The following FAM227B variants were observed in gnomAD, a reference collection of about 807,000 sequenced individuals.
FAM227B encodes the protein family with sequence similarity 227 member B, also known as protein FAM227B.
In FAM227B, 88 loss-of-function variants were observed where a neutral mutation model predicts 73.8. The observed-to-expected ratio is 1.19, with a 90% CI of 1.00 to 1.42. The LOEUF (loss-of-function observed/expected upper bound fraction) is 1.42, where lower values mean the gene tolerates loss of function less well. Among genes scored for constraint, FAM227B ranks in the 40% most tolerant of loss-of-function variants. FAM227B has a pLI of 0.00. For synonymous variants in FAM227B, 210 were observed against 190.5 expected (o/e 1.10, Z -0.84); for missense variants, 632 against 590.9 (o/e 1.07, Z -0.72).
At chr15:49,551,627 ATT>A (rs2073035006) in intron 9 of FAM227B, among the ~76,000 whole-genome samples, 1 of 152,016 alleles carries the variant, frequency 6.6e-6, no homozygotes, top group Non-Finnish European at 1.5e-5. Context: ...TACTTCTGTG[ATT>A]TTGTTATTTG....
chr15:49,508,421 T>G (rs34764073), intron 10 of FAM227B, 73 bp from the exon 11 acceptor site: 74,676 of 1,322,406 alleles, frequency 0.056, 3,015 homozygotes, highest in East Asian at 0.22. Context: ...GTCAAAGCAT[T>G]TTTATGATAA....
In FAM227B at chr15:49,541,684, A is replaced by T; in HGVS notation, c.870T>A (p.Cys290Ter). The T allele has an allele frequency of 6.6e-7, 1 of 1,504,660 alleles. No individual in the cohort carries two copies. Among genetic ancestry groups the T allele is most frequent in the Middle Eastern group, 1.8e-4 (1 of 5,622 alleles). 93.2% of individuals were successfully genotyped at this position (1,504,660 alleles called of 1,614,324 possible). Residue 290 changes from cysteine (C) to a stop codon, truncating the protein, a stop_gained, in exon 10 of 16, where the codon TGT (cysteine) becomes TGA (stop). Transcript: ENST00000299338. LOFTEE classifies it high-confidence loss of function. ...ATTTAAATGATATATTCATACCTGA[A>T]CACCAAAGAAAAATGTTATTCCCTA... ...EDLGNNIFLWCSGLKPQKGFW... is the reference protein window; with the variant it reads ...EDLGNNIFLW
intron 3 of FAM227B, among the ~76,000 whole-genome samples, chr15:49,598,067 C>T (rs893038657): frequency 1.3e-5 from 2 of 151,736 alleles, no homozygotes; most frequent in African/African-American, 2.4e-5. Context: ...GGTACCAATT[C>T]TACTGAAACT....
chr15:49,410,513 G>A (rs947378741), intron 11 of FAM227B, among the ~76,000 whole-genome samples: 19 of 151,968 alleles, frequency 1.3e-4, no homozygotes, highest in Non-Finnish European at 2.2e-4. Flanking sequence ...CAGCACATAA[G>A]TTGTGTCATT....
intron 10 of FAM227B, among the ~76,000 whole-genome samples, chr15:49,521,294 T>TGGGCTGCCCCAAGGAAAAGGGGCA (rs1431343110): frequency 2.0e-5 from 3 of 152,136 alleles, no homozygotes; most frequent in African/African-American, 7.2e-5. Context: ...GCCCTTAGCA[T>TGGGCTGCCCCAAGGAAAAGGGGCA]GGGCTGCCCC....
At chr15:49,384,917 A>C (rs752032026) in intron 11 of FAM227B, among the ~76,000 whole-genome samples, 1 of 152,018 alleles carries the variant, frequency 6.6e-6, no homozygotes, top group Non-Finnish European at 1.5e-5. Context: ...GATTCAATAC[A>C]TACTATTCTG....
intron 11 of FAM227B, among the ~76,000 whole-genome samples, chr15:49,436,754 C>T (rs2051143047): frequency 6.6e-6 from 1 of 151,474 alleles, no homozygotes; most frequent in Non-Finnish European, 1.5e-5. Flanking sequence ...GGTTTAACTC[C>T]AAAGCACAGC....
intron 11 of FAM227B, among the ~76,000 whole-genome samples, chr15:49,390,720 T>C (rs1359961966): frequency 6.6e-6 from 1 of 152,142 alleles, no homozygotes; most frequent in Non-Finnish European, 1.5e-5. Context: ...CATGTTTATG[T>C]ACAGCTATGT....
chr15:49,608,051 A>G (rs932458030), intron 3 of FAM227B, among the ~76,000 whole-genome samples: 10 of 152,216 alleles, frequency 6.6e-5, no homozygotes, highest in African/African-American at 2.2e-4. Flanking sequence ...ATACTGCCCG[A>G]AAGAAAATCA....
chr15:49,432,622 C>A (rs1035689116), intron 11 of FAM227B, among the ~76,000 whole-genome samples: 13 of 151,508 alleles, frequency 8.6e-5, no homozygotes, highest in African/African-American at 3.1e-4. Context: ...AACGAAGTTG[C>A]CACTAAATTG....
chr15:49,508,439 T>C (rs1248970687), intron 10 of FAM227B, 91 bp from the exon 11 acceptor site: 1 of 1,184,294 alleles, frequency 8.4e-7, no homozygotes, highest in Non-Finnish European at 1.2e-6. Context: ...TAATTATACA[T>C]TTCATCCTCA....
chr15:49,350,692 G>T (rs2042110058), intron 13 of FAM227B, among the ~76,000 whole-genome samples: 1 of 152,120 alleles, frequency 6.6e-6, no homozygotes, highest in South Asian at 2.1e-4. Flanking sequence ...TTTTGACCTT[G>T]GTGGGTCTTC....
At chr15:49,500,686 G>A (rs565287446) in intron 11 of FAM227B, among the ~76,000 whole-genome samples, 23 of 152,270 alleles carry the variant, frequency 1.5e-4, no homozygotes, top group Non-Finnish European at 2.4e-4. Flanking sequence ...TTCTTAAAAT[G>A]TTATACATAC....
intron 11 of FAM227B, among the ~76,000 whole-genome samples, chr15:49,418,386 CAAT>C (rs2151719667): frequency 6.6e-6 from 1 of 152,190 alleles, no homozygotes; most frequent in East Asian, 1.9e-4. Flanking sequence ...GCACTATTCA[CAAT>C]AGCAAAGATA....
At chr15:49,436,281 T>A (rs1191771858) in intron 11 of FAM227B, among the ~76,000 whole-genome samples, 3 of 151,602 alleles carry the variant, frequency 2.0e-5, no homozygotes, top group African/African-American at 7.3e-5. Flanking sequence ...ATTTGAGTAG[T>A]CAGTTAACTT....
At chr15:49,335,528 A>C in intron 13 of FAM227B, 32 bp from the exon 14 acceptor site, 2 of 1,539,908 alleles carry the variant, frequency 1.3e-6, no homozygotes, top group Non-Finnish European at 1.8e-6. Flanking sequence ...AATGATTTTC[A>C]ATTAGGAACA....
intron 10 of FAM227B, among the ~76,000 whole-genome samples, chr15:49,527,321 T>G (rs1471842120): frequency 6.6e-6 from 1 of 151,854 alleles, no homozygotes; most frequent in East Asian, 1.9e-4. Context: ...GAATAAGCAT[T>G]CAACAAAATC....
chr15:49,501,151 C>G (rs977835436), intron 11 of FAM227B, among the ~76,000 whole-genome samples: 2 of 152,084 alleles, frequency 1.3e-5, no homozygotes, highest in African/African-American at 4.8e-5. Context: ...TAGGGCATTG[C>G]TATAAAGATA....
chr15:49,392,254 C>A (rs2047260264), intron 11 of FAM227B, among the ~76,000 whole-genome samples: 1 of 152,002 alleles, frequency 6.6e-6, no homozygotes, highest in African/African-American at 2.4e-5. Flanking sequence ...AAGAAACTAA[C>A]AGAATTTATG....
Sources: gnomAD v4.1 joint callset for allele counts (sites outside exome capture counted in the v4.1 genomes callset) on GRCh38, gnomAD v4.1.1 for gene constraint, MANE v1.5 for transcripts, NCBI Gene and HGNC (gene_info 2026-07-23, HGNC 2026-07-21) for gene names.